The following SCRN3 variants were observed in gnomAD, a reference collection of about 807,000 sequenced individuals.
SCRN3 encodes the protein secernin 3, also known as secernin-3.
A neutral mutation model predicts 43.1 loss-of-function variants in SCRN3; 39 were observed. The observed-to-expected ratio is 0.91, with a 90% CI of 0.70 to 1.18. The LOEUF (loss-of-function observed/expected upper bound fraction) is 1.18, where lower values mean the gene tolerates loss of function less well. SCRN3 is among the 50% of genes most tolerant of loss of function. The pLI is 0.00. For synonymous variants in SCRN3, 147 were observed against 163.1 expected (o/e 0.90, Z 0.75); for missense variants, 484 against 498.0 (o/e 0.97, Z 0.27).
chr2:174,418,322 G>A (rs1023837), intron 5 of SCRN3, among the ~76,000 whole-genome samples: 29,638 of 152,076 alleles, frequency 0.19, 3,381 homozygotes, highest in Middle Eastern at 0.38. Flanking sequence ...CTACCAGTAC[G>A]TTATAGTTAA....
At chr2:174,414,982 C>T (rs1686054966) in intron 5 of SCRN3, among the ~76,000 whole-genome samples, 1 of 152,108 alleles carries the variant, frequency 6.6e-6, no homozygotes, top group South Asian at 2.1e-4. Flanking sequence ...AGGCTGGTCT[C>T]TAACTTAACT....
intron 5 of SCRN3, among the ~76,000 whole-genome samples, chr2:174,411,234 A>G (rs1212048924): frequency 2.0e-5 from 3 of 152,140 alleles, no homozygotes; most frequent in East Asian, 3.9e-4. Context: ...TAAACCAGAC[A>G]AGATCCCAGC....
intron 5 of SCRN3, among the ~76,000 whole-genome samples, chr2:174,412,349 GA>G (rs1156251944): frequency 2.1e-5 from 3 of 146,340 alleles, no homozygotes; most frequent in African/African-American, 7.3e-5. Context: ...AATCTCCTGG[GA>G]ATTTTTTTTT....
At chr2:174,410,618 A>G (rs1039243129) in intron 5 of SCRN3, 2 of 152,140 alleles carry the variant, frequency 1.3e-5, no homozygotes, top group Admixed American at 6.5e-5. Context: ...CAAAATTGAG[A>G]TTACTTTTCT....
intron 5 of SCRN3, among the ~76,000 whole-genome samples, chr2:174,414,882 G>A (rs1317647806): frequency 6.6e-6 from 1 of 150,804 alleles, no homozygotes; most frequent in African/African-American, 2.4e-5. Flanking sequence ...TCCTGCCTCA[G>A]CCTCCCAAGT....
chr2:174,412,638 CTGT>C (rs564152158), intron 5 of SCRN3, among the ~76,000 whole-genome samples: 70 of 152,222 alleles, frequency 4.6e-4, no homozygotes, highest in African/African-American at 1.6e-3. Flanking sequence ...CACCAAGGCT[CTGT>C]TGTTCTAGCT....
At position 174,395,800 on chromosome 2, in the gene SCRN3, G is replaced by T; in HGVS notation, c.-27G>T. Reference sequence around the variant, plus strand: ...CCTCCCTCCGTCCACCTGTCACTTCGGGTAGCTGGGAGGCCAGGTGAGGGG... The same window carrying T: ...CCTCCCTCCGTCCACCTGTCACTTCTGGTAGCTGGGAGGCCAGGTGAGGGG... On this transcript the variant is annotated 5_prime_UTR_variant, in exon 1 of 8. Coordinates refer to ENST00000272732, the MANE Select transcript of SCRN3 (RefSeq NM_024583.5). 1 of 1,547,312 alleles carries T rather than the reference G, an allele frequency of 6.5e-7. No individual in the cohort carries two copies. Among genetic ancestry groups the T allele is most frequent in the Non-Finnish European group, 8.7e-7 (1 of 1,144,768 alleles).
intron 3 of SCRN3, among the ~76,000 whole-genome samples, chr2:174,400,460 A>AT (rs199969165): frequency 1.3e-5 from 2 of 151,810 alleles, no homozygotes; most frequent in Non-Finnish European, 2.9e-5. Flanking sequence ...CTAATTTTTA[A>AT]TTAAAAAAAA....
intron 5 of SCRN3, among the ~76,000 whole-genome samples, chr2:174,413,858 T>A (rs1001128550): frequency 2.6e-5 from 4 of 151,804 alleles, no homozygotes; most frequent in Admixed American, 2.6e-4. Flanking sequence ...CCCAAAGTGC[T>A]GGGATTACAG....
At chr2:174,426,028 A>T (rs1686469733) in intron 7 of SCRN3, among the ~76,000 whole-genome samples, 1 of 152,140 alleles carries the variant, frequency 6.6e-6, no homozygotes, top group Admixed American at 6.5e-5. Flanking sequence ...ATAGGTAAAA[A>T]TATGTGAATA....
At chr2:174,417,772 C>CAGAG (rs1409279694) in intron 5 of SCRN3, among the ~76,000 whole-genome samples, 1 of 152,172 alleles carries the variant, frequency 6.6e-6, no homozygotes, top group Non-Finnish European at 1.5e-5. Flanking sequence ...TGTTTGTGCT[C>CAGAG]TTCTCTATGA....
At chr2:174,422,446 C>A (rs896769239) in intron 5 of SCRN3, among the ~76,000 whole-genome samples, 1 of 151,916 alleles carries the variant, frequency 6.6e-6, no homozygotes, top group African/African-American at 2.4e-5. Flanking sequence ...TGGTGACATG[C>A]GACTTTAGTC....
intron 7 of SCRN3, among the ~76,000 whole-genome samples, chr2:174,425,155 T>TA (rs1336473013): frequency 2.0e-5 from 3 of 152,176 alleles, no homozygotes; most frequent in African/African-American, 7.2e-5. Context: ...CTTAAAATAA[T>TA]AATGAGTTTT....
At position 174,424,660 on chromosome 2, in the gene SCRN3, T is replaced by C; in HGVS notation, c.1092+11T>C. On this transcript the variant is annotated intron_variant, in intron 7 of 7. Coordinates refer to ENST00000272732, the MANE Select transcript of SCRN3 (RefSeq NM_024583.5). ...GTAAATAATAATGAGGTATGCTAGATTATATTCTTTGTTATATCATTAAGT... is the reference window on the plus strand; with the variant it reads ...GTAAATAATAATGAGGTATGCTAGACTATATTCTTTGTTATATCATTAAGT... 6.3e-7 allele frequency: 1 copy of C among 1,591,022 alleles called. No individual in the cohort carries two copies. The highest frequency in any genetic ancestry group is 1.3e-5 in the African/African-American group (1 of 74,368).
chr2:174,395,900 C>G (rs566528179), intron 1 of SCRN3, 83 bp downstream of exon 1: 5 of 1,427,390 alleles, frequency 3.5e-6, no homozygotes, highest in Non-Finnish European at 3.7e-6. Context: ...ACTGCTTGAC[C>G]GAGGGGCTCC....
At chr2:174,403,201 G>C (rs1416694018) in intron 4 of SCRN3, among the ~76,000 whole-genome samples, 1 of 151,828 alleles carries the variant, frequency 6.6e-6, no homozygotes, top group Admixed American at 6.6e-5. Context: ...TTAGCCATTA[G>C]GGAAATGCAA....
At chr2:174,408,362 G>T (rs1384992564) in intron 5 of SCRN3, among the ~76,000 whole-genome samples, 1 of 125,580 alleles carries the variant, frequency 8.0e-6, no homozygotes, top group African/African-American at 2.6e-5. Flanking sequence ...GTCTCTGCAC[G>T]TGAGATGGGT....
rs530450076 is a variant in SCRN3 at position 174,397,422 on chromosome 2, G to A, written c.-9-853G>A. 1.8e-5 allele frequency: 16 copies of A among 865,074 alleles called. No individual in the cohort carries two copies. The African/African-American group carries it at 2.4e-4, about 13-fold the overall frequency. The allele number at this position is 865,074 out of a possible 1,614,324, so 53.6% of individuals were successfully genotyped here. ...CTGAAGAGGTAATCTAGATATTAAA[G>A]TATATAATTGCGATTTATAAATTAA... On this transcript the variant is annotated intron_variant, in intron 1 of 7. Transcript: ENST00000272732.
chr2:174,400,083 A>AAC lies in SCRN3; in HGVS notation c.321_322insAC (p.Leu108ThrfsTer2). On this transcript the variant is annotated frameshift_variant, in exon 3 of 8. Transcript: ENST00000272732. LOFTEE classifies it high-confidence loss of function. ...AAGAAGTTTGTGATGAAGAAGCACT[A>AAC]TTAGGAATGGACCTTGTCAGGTTAT... The AAC allele has an allele frequency of 6.3e-7, 1 of 1,579,680 alleles. No individual in the cohort carries two copies.
Sources: gnomAD v4.1 joint callset for allele counts (sites outside exome capture counted in the v4.1 genomes callset) on GRCh38, gnomAD v4.1.1 for gene constraint, MANE v1.5 for transcripts, NCBI Gene and HGNC (gene_info 2026-07-23, HGNC 2026-07-21) for gene names.